The following MRTFB variants were observed in gnomAD, a reference collection of about 807,000 sequenced individuals.
The protein encoded by MRTFB is myocardin related transcription factor B, also known as myocardin-related transcription factor B.
Under a neutral mutation model 104.2 loss-of-function variants are expected in MRTFB, and 29 were observed. That is an observed-to-expected ratio of 0.28 (90% confidence interval 0.21 to 0.38). The LOEUF (loss-of-function observed/expected upper bound fraction) is 0.38, where lower values mean the gene tolerates loss of function less well. Among genes scored for constraint, MRTFB ranks in the 10% least tolerant of loss-of-function variants. MRTFB has a pLI of 1.00. For missense variants in MRTFB, 1,270 were observed against 1,341.6 expected, an observed-to-expected ratio of 0.95 and a Z score of 0.83; for synonymous variants, 535 against 519.5, an observed-to-expected ratio of 1.03 and a Z score of -0.41.
At chr16:14,111,779 C>T (rs550214086) in intron 2 of MRTFB, among the ~76,000 whole-genome samples, 19 of 152,120 alleles carry the variant, frequency 1.2e-4, no homozygotes, top group Non-Finnish European at 2.6e-4. Context: ...CCCTTTTTCT[C>T]GGTCCTCTGG....
chr16:14,240,753 AT>A, intron 10 of MRTFB: 1 of 771,916 alleles, frequency 1.3e-6, no homozygotes, highest in Non-Finnish European at 2.4e-6. Flanking sequence ...TTTGCCTATT[AT>A]TAGAACACCA....
At chr16:14,058,638 T>G in the MRTFB span, among the ~76,000 whole-genome samples, 1 of 152,058 alleles carries the variant, frequency 6.6e-6, no homozygotes, top group Non-Finnish European at 1.5e-5. Flanking sequence ...TTAAGTATTC[T>G]TCTGTGTGGT....
At chr16:14,248,562 A>C (rs1298563124) in intron 12 of MRTFB, 1 of 167,196 alleles carries the variant, frequency 6.0e-6, no homozygotes, top group Non-Finnish European at 1.3e-5. Context: ...TGCAAGCAGC[A>C]ATTGGGACAG....
At chr16:14,249,687 A>G (rs1006667553) in intron 13 of MRTFB, among the ~76,000 whole-genome samples, 6 of 152,226 alleles carry the variant, frequency 3.9e-5, no homozygotes, top group African/African-American at 1.4e-4. Context: ...ATAACTACCA[A>G]AAAAATTCTC....
chr16:14,076,896 A>T (rs1191060310), intron 1 of MRTFB, among the ~76,000 whole-genome samples: 1 of 152,296 alleles, frequency 6.6e-6, no homozygotes, highest in East Asian at 1.9e-4. Context: ...CGGGGTGAGC[A>T]TCTTTTCATG....
At chr16:14,140,001 C>CA (rs2037915105) in intron 2 of MRTFB, among the ~76,000 whole-genome samples, 1 of 152,164 alleles carries the variant, frequency 6.6e-6, no homozygotes, top group Admixed American at 6.5e-5. Context: ...ATAACAACCC[C>CA]AAATTTCAGT....
chr16:14,236,530 T>TG (rs1382346704), intron 9 of MRTFB, among the ~76,000 whole-genome samples: 1 of 151,940 alleles, frequency 6.6e-6, no homozygotes, highest in African/African-American at 2.4e-5. Flanking sequence ...AATGTGATGA[T>TG]GGGGGTGCTG....
rs188144746 is a variant in MRTFB, at chr16:14,137,106, T to C, written c.-63-3438T>C. 3.9e-4 allele frequency among the ~76,000 whole-genome samples: 59 copies of C among 152,346 alleles called. 1 individual carries two copies. Among genetic ancestry groups the C allele is most frequent in the Non-Finnish European group, 2.9e-5 (2 of 68,024 alleles). ...CTTTAATATGTCAATTATTGACGAC[T>C]ATACAGAGAGTAGTCAATTCTATGT... is the stretch of plus-strand genomic sequence containing the variant. On this transcript the variant is annotated intron_variant, in intron 2 of 16. Transcript: ENST00000571589.
intron 3 of MRTFB, among the ~76,000 whole-genome samples, chr16:14,199,050 G>A (rs546190127): frequency 6.6e-6 from 1 of 152,252 alleles, no homozygotes; most frequent in South Asian, 2.1e-4. Context: ...TTCCTGGGCA[G>A]CATCTTGAAA....
At chr16:14,166,401 A>T (rs939045404) in intron 3 of MRTFB, among the ~76,000 whole-genome samples, 8 of 152,004 alleles carry the variant, frequency 5.3e-5, no homozygotes, top group African/African-American at 1.7e-4. Flanking sequence ...AAAATTATTC[A>T]TGCATTTCAA....
chr16:14,142,495 A>G (rs9936251), intron 3 of MRTFB: 35,477 of 151,816 alleles, frequency 0.23, 7,858 homozygotes, highest in African/African-American at 0.57. Flanking sequence ...TGATCCACCT[A>G]CGTCGGCCTC....
At chr16:14,009,445 T>C in the MRTFB span, 2 of 152,250 alleles carry the variant, frequency 1.3e-5, no homozygotes, top group African/African-American at 4.8e-5. Flanking sequence ...TACAAGGTTA[T>C]GACAACTGTC....
chr16:14,238,814 T>C lies in MRTFB; in HGVS notation c.832-1423T>C, dbSNP rs533950516. ...GAGATTAACAACCAATCATTTCCAATACATAATTACTTTTTATAAATTCTT... is the reference window on the plus strand; with the variant it reads ...GAGATTAACAACCAATCATTTCCAACACATAATTACTTTTTATAAATTCTT... On this transcript the variant is annotated intron_variant, in intron 9 of 16. Transcript: ENST00000571589. Among the ~76,000 whole-genome samples the C allele has an allele frequency of 5.3e-5, 8 of 152,344 alleles. No homozygotes were observed. The East Asian group carries it at 9.6e-4, about 18-fold the overall frequency.
intron 9 of MRTFB, among the ~76,000 whole-genome samples, chr16:14,236,431 A>G (rs191773301): frequency 1.3e-5 from 2 of 152,302 alleles, no homozygotes; most frequent in Admixed American, 1.3e-4. Context: ...GGTACTAGGA[A>G]TAGATAAAGC....
chr16:14,118,758 CAT>C (rs924082677), intron 2 of MRTFB, among the ~76,000 whole-genome samples: 2,317 of 151,342 alleles, frequency 0.015, 57 homozygotes, highest in African/African-American at 0.051. Flanking sequence ...TACACACACA[CAT>C]ATATATATAA....
chr16:14,026,408 C>G, the MRTFB span, among the ~76,000 whole-genome samples: 1 of 152,242 alleles, frequency 6.6e-6, no homozygotes, highest in South Asian at 2.1e-4. Flanking sequence ...CAAAAATTAA[C>G]TCAGAGCATA....
the MRTFB span, among the ~76,000 whole-genome samples, chr16:14,036,023 C>T: frequency 6.7e-6 from 1 of 148,414 alleles, no homozygotes; most frequent in African/African-American, 2.5e-5. Context: ...TAATAGTCTC[C>T]AATTCCATGC....
intron 3 of MRTFB, among the ~76,000 whole-genome samples, chr16:14,167,960 T>G (rs890205876): frequency 6.6e-6 from 1 of 152,016 alleles, no homozygotes; most frequent in Non-Finnish European, 1.5e-5. Context: ...GTGCTGAGAT[T>G]ACAGGCGTGA....
In MRTFB at chr16:14,213,453, G is replaced by A. The variant is rs183026886; in HGVS notation, c.277-92G>A. ...TCGTCTCAAACACATGACCATAAGC[G>A]TATCGTTTATTTAAATGGAATACCT... On this transcript the variant is annotated intron_variant, in intron 5 of 16. Coordinates refer to ENST00000571589, the MANE Select transcript of MRTFB (RefSeq NM_001308142.2). 1.9e-3 allele frequency: 1,532 copies of A among 827,238 alleles called. 10 individuals carry two copies. Among genetic ancestry groups the A allele is most frequent in the South Asian group, 0.011 (611 of 56,116 alleles). 51.2% of individuals were successfully genotyped at this position (827,238 alleles called of 1,614,324 possible).
Sources: gnomAD v4.1 joint callset for allele counts (sites outside exome capture counted in the v4.1 genomes callset) on GRCh38, gnomAD v4.1.1 for gene constraint, MANE v1.5 for transcripts, NCBI Gene and HGNC (gene_info 2026-07-23, HGNC 2026-07-21) for gene names.